The following SZT2 variants were observed in gnomAD, a reference collection of about 807,000 sequenced individuals.
SZT2 encodes the protein SZT2 subunit of KICSTOR complex.
In SZT2, 216 loss-of-function variants were observed where a neutral mutation model predicts 404.2. That is an observed-to-expected ratio of 0.53 (90% CI 0.48 to 0.60). The LOEUF (loss-of-function observed/expected upper bound fraction) is 0.60, where lower values mean the gene tolerates loss of function less well. SZT2 is among the 20% of genes least tolerant of loss of function. The pLI is 0.00. For synonymous variants in SZT2, 1,693 were observed against 1,749.9 expected (o/e 0.97, Z 0.81); for missense variants, 3,857 against 4,459.2 (o/e 0.86, Z 3.85).
chr1:43,401,163 G>A (rs1335264829), intron 1 of SZT2, among the ~76,000 whole-genome samples: 5 of 152,050 alleles, frequency 3.3e-5, no homozygotes, highest in Non-Finnish European at 5.9e-5. Context: ...AGGTGCAAAC[G>A]GCCTGCCCAC....
intron 70 of SZT2, chr1:43,449,262 A>G (rs1656082563): frequency 6.1e-6 from 1 of 164,104 alleles, no homozygotes; most frequent in Non-Finnish European, 1.3e-5. Context: ...ACACGAGCAC[A>G]GGGCATTAAG....
At position 43,442,931 on chromosome 1, in the gene SZT2, G is replaced by A. The variant is rs756225921; in HGVS notation, c.8264G>A (p.Gly2755Asp). Residue 2755 changes from glycine (G) to aspartate (D), a missense_variant, in exon 59 of 72, where the codon GGT (glycine) becomes GAT (aspartate). By Grantham distance (94) the Gly-to-Asp change is moderately conservative. Coordinates refer to ENST00000634258, the MANE Select transcript of SZT2 (RefSeq NM_001365999.1). The surrounding 1 kb of genome is among the most constrained non-coding windows in gnomAD (Gnocchi z 4.5). ...CTGAGTGGGTCCTCTCGTGGTGGGG[G>A]TCCTCTTCCCCTGGACACATTCCCC... ...GRLSGSSRGG[G>D]PLPLDTFPFD... 5.0e-6 allele frequency: 8 copies of A among 1,614,114 alleles called. No individual in the cohort carries two copies. The highest frequency in any genetic ancestry group is 6.8e-6 in the Non-Finnish European group (8 of 1,179,990).
rs1221935214 is a variant in SZT2, at chr1:43,450,378, C to T, written c.10197C>T (p.Pro3399=). Residue 3399 remains proline (P), a synonymous_variant, in exon 72 of 72, where the codon CCC becomes CCT. Transcript: ENST00000634258. The surrounding 1 kb of genome is among the most constrained non-coding windows in gnomAD (Gnocchi z 4.3). ...TCCGAGAGCCCTTCCCAGTACAGCCCCAGGACAGCGAGAGCCCCCCTGCCC... is the reference window on the plus strand; with the variant it reads ...TCCGAGAGCCCTTCCCAGTACAGCCTCAGGACAGCGAGAGCCCCCCTGCCC... ...VVFREPFPVQ[P]QDSESPPAQL... The T allele has an allele frequency of 6.2e-7, 1 of 1,614,118 alleles. No individual in the cohort carries two copies. The highest frequency in any genetic ancestry group is 1.7e-5 in the Admixed American group (1 of 60,012).
Position 43,423,811 on chromosome 1 carries a change from TACAG to T in SZT2, c.2256-404_2256-401del, listed in dbSNP as rs149535372. 3.5e-5 allele frequency among the ~76,000 whole-genome samples: 5 copies of T among 143,896 alleles called. No homozygotes were observed. In the East Asian group the frequency reaches 1.1e-3, roughly 31 times the overall value. The allele number at this position is 143,896 out of a possible 152,430, so 94.4% of individuals were successfully genotyped here. On this transcript the variant is annotated intron_variant, in intron 15 of 71. Transcript: ENST00000634258. ...GTGTGACTTAGGGGGGTATGAGTGA[TACAG>T]AGGTATGGAAGGGCGTGGCTTAGCG...
intron 67 of SZT2, 40 bp downstream of exon 67, chr1:43,447,738 G>A (rs749629041): frequency 1.2e-6 from 2 of 1,611,026 alleles, no homozygotes; most frequent in Non-Finnish European, 1.7e-6. Flanking sequence ...CGCTGCAGGA[G>A]CTGGGGTTGG....
intron 4 of SZT2, among the ~76,000 whole-genome samples, chr1:43,407,827 CTTTT>C (rs1273177130): frequency 3.2e-5 from 3 of 94,464 alleles, no homozygotes; most frequent in Non-Finnish European, 4.3e-5. Context: ...AAATTCTAAC[CTTTT>C]TTTTTTTTTT....
At chr1:43,412,449 C>G (rs1651175557) in intron 4 of SZT2, 1 of 152,166 alleles carries the variant, frequency 6.6e-6, no homozygotes, top group Non-Finnish European at 1.5e-5. Context: ...GTGCATTTCA[C>G]CACTCAGCTA....
At chr1:43,434,235 G>C (rs1654224500) in intron 40 of SZT2, 151 bp from the exon 41 acceptor site, 1 of 652,546 alleles carries the variant, frequency 1.5e-6, no homozygotes, top group Non-Finnish European at 2.6e-6. Flanking sequence ...GTCCAAGCCT[G>C]CTCCCTTTTC....
At chr1:43,429,929 C>T in intron 29 of SZT2, 82 bp from the exon 30 acceptor site, 1 of 1,611,804 alleles carries the variant, frequency 6.2e-7, no homozygotes. Context: ...GGGGGGTATG[C>T]ATGTGTCCTG....
chr1:43,422,605 G>T lies in SZT2; in HGVS notation c.1895G>T (p.Gly632Val). 6 of 1,597,136 alleles carry T rather than the reference G, an allele frequency of 3.8e-6. No homozygotes were observed. The highest frequency in any genetic ancestry group is 5.1e-6 in the Non-Finnish European group (6 of 1,179,258). ...TGGAGCAGCTTCGTACTAGTCGAGG[G>T]CTATTCTTATGTTAAGCTGCTCTCC... ...RDWSSFVLVEGYSYVKLLSSA... is the reference protein window; with the variant it reads ...RDWSSFVLVEVYSYVKLLSSA... The change falls in exon 13 of 72, where the codon GGC (glycine) becomes GTC (valine). Residue 632 changes from glycine (G) to valine (V), a missense_variant. Gly to Val is a moderately radical substitution (Grantham distance 109). Around this residue, in one of 7 missense-constraint regions of SZT2, gnomAD observed 1,725 missense variants for 1,881.0 expected, o/e 0.92. Transcript: ENST00000634258.
At chr1:43,403,535 G>A (rs565028847) in intron 2 of SZT2, 66 bp from the exon 3 acceptor site, 79 of 1,555,844 alleles carry the variant, frequency 5.1e-5, no homozygotes, top group Admixed American at 3.5e-4. Flanking sequence ...GGATATAGAA[G>A]GCAGGTCCTG....
chr1:43,432,673 G>A, intron 38 of SZT2, 55 bp from the exon 39 acceptor site: 1 of 1,613,168 alleles, frequency 6.2e-7, no homozygotes, highest in East Asian at 2.2e-5. Context: ...CATTTTTGGA[G>A]GGAGGCCCTA....
chr1:43,444,718 G>A (rs1221086801), intron 62 of SZT2, among the ~76,000 whole-genome samples: 2 of 152,100 alleles, frequency 1.3e-5, no homozygotes, highest in African/African-American at 2.4e-5. Context: ...TCAGATTCCC[G>A]TGTTTGTGGC....
chr1:43,426,839 T>C lies in SZT2; in HGVS notation c.3309+30T>C, dbSNP rs777912270. The C allele has an allele frequency of 6.2e-7, 1 of 1,606,160 alleles. No homozygotes were observed. The highest frequency in any genetic ancestry group is 2.2e-5 in the East Asian group (1 of 44,768). On this transcript the variant is annotated intron_variant, in intron 23 of 71. Transcript: ENST00000634258. The surrounding 1 kb of genome is among the most constrained non-coding windows in gnomAD (Gnocchi z 4.9). ...GCACCGATTCTTCTCCCTGAGCCCT[T>C]GTCACACTGACCTCCTTCCAGCACC...
chr1:43,393,578 G>A (rs1648656794), intron 1 of SZT2, among the ~76,000 whole-genome samples: 1 of 152,162 alleles, frequency 6.6e-6, no homozygotes, highest in South Asian at 2.1e-4. Context: ...ATGTATAGTG[G>A]TAAGAAGATT....
At position 43,441,177 on chromosome 1, in the gene SZT2, C is replaced by T. The variant is rs752786859; in HGVS notation, c.7345-37C>T. ...GCCCCCATCCCACACCTTTCCTCTT[C>T]CCAGTAGCCCTTCCTCATTCACTGC... On this transcript the variant is annotated intron_variant, in intron 52 of 71. Coordinates refer to ENST00000634258, the MANE Select transcript of SZT2 (RefSeq NM_001365999.1). This position sits in a 1 kb window ranked among gnomAD's most constrained non-coding sequence, Gnocchi z 4.8. 2 of 1,603,248 alleles carry T rather than the reference C, an allele frequency of 1.2e-6. No homozygotes were observed. The highest frequency in any genetic ancestry group is 3.4e-5 in the Admixed American group (2 of 59,574).
intron 7 of SZT2, 83 bp from the exon 8 acceptor site, chr1:43,419,651 C>T (rs2153932041): frequency 8.4e-7 from 1 of 1,196,868 alleles, no homozygotes; most frequent in East Asian, 2.5e-5. Flanking sequence ...GGAGCAGCCA[C>T]CTAGCCCAGT....
At chr1:43,427,225 C>T in intron 24 of SZT2, 46 bp downstream of exon 24, 1 of 1,607,388 alleles carries the variant, frequency 6.2e-7, no homozygotes, top group Non-Finnish European at 8.5e-7. Context: ...ATACAAACCC[C>T]TGAGCTCCCT....
chr1:43,407,290 G>A (rs1467247455), intron 4 of SZT2, among the ~76,000 whole-genome samples: 1 of 152,160 alleles, frequency 6.6e-6, no homozygotes, highest in Non-Finnish European at 1.5e-5. Flanking sequence ...AATCACATGA[G>A]GCCAAGCGTT....
Sources: gnomAD v4.1 joint callset for allele counts (sites outside exome capture counted in the v4.1 genomes callset) on GRCh38, gnomAD v4.1.1 for gene constraint, gnomAD v4.1.1 regional missense constraint, Gnocchi (gnomAD v3.1) non-coding constraint, MANE v1.5 for transcripts, NCBI Gene and HGNC (gene_info 2026-07-23, HGNC 2026-07-21) for gene names.